Variants in ROBO2 observed in about 807,000 individuals in gnomAD.
ROBO2 encodes roundabout guidance receptor 2, also known as roundabout homolog 2.
Under a neutral mutation model 160.8 loss-of-function variants are expected in ROBO2, and 53 were observed. That is an observed-to-expected ratio of 0.33 (90% CI 0.26 to 0.41). The LOEUF (loss-of-function observed/expected upper bound fraction) is 0.41. Among genes scored for constraint, ROBO2 ranks in the 10% least tolerant of loss-of-function variants. The pLI, the probability that ROBO2 is intolerant of heterozygous loss-of-function variation, is 1.00. For synonymous variants in ROBO2, 664 were observed against 611.7 expected (o/e 1.09, Z -1.26); for missense variants, 1,577 against 1,722.4 (o/e 0.92, Z 1.49).
intron 2 of ROBO2, among the ~76,000 whole-genome samples, chr3:77,168,741 C>T (rs1030690906): frequency 2.6e-5 from 4 of 152,100 alleles, no homozygotes; most frequent in Admixed American, 6.6e-5. Flanking sequence ...TTTTAAGGAT[C>T]GAAGGAACAT....
Position 77,011,266 on chromosome 3 carries a change from C to T in ROBO2, c.110-86748C>T, listed in dbSNP as rs377336111. On this transcript the variant is annotated intron_variant, in intron 2 of 26. Transcript: ENST00000487694. ...GAATATAGTGTGTTTTGTTTGCTATCGTATATTTAGTGCCTAGTTCAGGGT... is the reference window on the plus strand; with the variant it reads ...GAATATAGTGTGTTTTGTTTGCTATTGTATATTTAGTGCCTAGTTCAGGGT... Among the ~76,000 whole-genome samples, 3 of 151,788 alleles carry T rather than the reference C, an allele frequency of 2.0e-5. No individual in the cohort carries two copies. The East Asian group carries it at 5.8e-4, about 30-fold the overall frequency.
At chr3:77,226,180 AAGAAAATT>A (rs2086475180) in intron 2 of ROBO2, among the ~76,000 whole-genome samples, 1 of 152,098 alleles carries the variant, frequency 6.6e-6, no homozygotes. Flanking sequence ...AGTTTTGACC[AAGAAAATT>A]AGAAAATTAA....
intron 2 of ROBO2, among the ~76,000 whole-genome samples, chr3:76,648,233 T>TGAA (rs1365788687): frequency 6.6e-6 from 1 of 152,090 alleles, no homozygotes; most frequent in Non-Finnish European, 1.5e-5. Flanking sequence ...GAGGAAAATC[T>TGAA]GAAGCATTAA....
intron 13 of ROBO2, among the ~76,000 whole-genome samples, chr3:77,572,656 C>T (rs2093666344): frequency 6.6e-6 from 1 of 151,636 alleles, no homozygotes; most frequent in South Asian, 2.1e-4. Flanking sequence ...CACACACACA[C>T]ACACACACAC....
chr3:76,267,971 G>A (rs1017804514), intron 2 of ROBO2, among the ~76,000 whole-genome samples: 1 of 152,084 alleles, frequency 6.6e-6, no homozygotes, highest in Non-Finnish European at 1.5e-5. Context: ...AATTCAATAA[G>A]ATTATACTCA....
At chr3:76,310,506 G>A (rs896217959) in intron 2 of ROBO2, among the ~76,000 whole-genome samples, 2 of 152,108 alleles carry the variant, frequency 1.3e-5, no homozygotes, top group African/African-American at 4.8e-5. Flanking sequence ...TATTGCTGGG[G>A]AGAAAAATTA....
chr3:76,894,763 T>C (rs894372217), intron 2 of ROBO2, among the ~76,000 whole-genome samples: 4 of 152,116 alleles, frequency 2.6e-5, no homozygotes, highest in African/African-American at 9.7e-5. Context: ...TGGACAAAGT[T>C]CCTGGAGAAA....
At chr3:76,861,261 C>T (rs1486113049) in intron 2 of ROBO2, among the ~76,000 whole-genome samples, 1 of 152,160 alleles carries the variant, frequency 6.6e-6, no homozygotes, top group Non-Finnish European at 1.5e-5. Flanking sequence ...GTGCCTATTT[C>T]CTTTGAAATG....
chr3:77,473,063 C>A (rs2083514614), intron 2 of ROBO2, among the ~76,000 whole-genome samples: 1 of 151,864 alleles, frequency 6.6e-6, no homozygotes, highest in Non-Finnish European at 1.5e-5. Context: ...GGGTTCCGAG[C>A]GTATCTCCCA....
At chr3:76,671,809 ATAATT>A (rs1490268165) in intron 2 of ROBO2, among the ~76,000 whole-genome samples, 1 of 152,142 alleles carries the variant, frequency 6.6e-6, no homozygotes, top group Admixed American at 6.6e-5. Flanking sequence ...TATTTTTAAA[ATAATT>A]TAAATTACTG....
chr3:76,157,643 C>T (rs1345618231), intron 2 of ROBO2, among the ~76,000 whole-genome samples: 2 of 152,148 alleles, frequency 1.3e-5, no homozygotes, highest in East Asian at 3.9e-4. Context: ...ATTCTCTGCC[C>T]CAGGTTCATT....
intron 2 of ROBO2, among the ~76,000 whole-genome samples, chr3:76,248,938 T>C (rs2107544538): frequency 6.6e-6 from 1 of 152,220 alleles, no homozygotes; most frequent in East Asian, 1.9e-4. Context: ...AGATATGTGT[T>C]CAATCATCAA....
rs547755219 is a variant in ROBO2, at chr3:77,488,301, C to A, written c.668-4943C>A. Among the ~76,000 whole-genome samples, 43 of 152,168 alleles carry A rather than the reference C, an allele frequency of 2.8e-4. 1 individual carries two copies. The South Asian group carries it at 8.5e-3, about 30-fold the overall frequency. Reference sequence around the variant, plus strand: ...CATAAAAAAATGTTAATTGCATTGGCAAAGACATTGCCTCTGATCACTCTG... The same window carrying A: ...CATAAAAAAATGTTAATTGCATTGGAAAAGACATTGCCTCTGATCACTCTG... On this transcript the variant is annotated intron_variant, in intron 4 of 25. Coordinates refer to ENST00000461745, the Ensembl canonical transcript of ROBO2.
At chr3:77,281,567 G>A (rs149181904) in intron 2 of ROBO2, among the ~76,000 whole-genome samples, 2 of 151,918 alleles carry the variant, frequency 1.3e-5, no homozygotes, top group East Asian at 3.9e-4. Context: ...TCATCCCTCA[G>A]TATCTGTGAG....
intron 2 of ROBO2, among the ~76,000 whole-genome samples, chr3:76,011,894 AT>A (rs1259380836): frequency 6.6e-6 from 1 of 152,130 alleles, no homozygotes. Flanking sequence ...AGGATACAAT[AT>A]TGTTTCCAGT....
In ROBO2 at chr3:76,854,669, C is replaced by T. The variant is rs750181119; in HGVS notation, c.110-243345C>T. Among the ~76,000 whole-genome samples, 4 of 152,132 alleles carry T rather than the reference C, an allele frequency of 2.6e-5. No homozygotes were observed. In the East Asian group the frequency reaches 5.8e-4, roughly 22 times the overall value. ...GCCTCATCTTGTAGAAAATGCAAGG[C>T]CAAATATTTAGTTAAAATATTTTAG... On this transcript the variant is annotated intron_variant, in intron 2 of 26. Coordinates refer to the ROBO2 transcript ENST00000487694.
intron 2 of ROBO2, among the ~76,000 whole-genome samples, chr3:76,050,463 G>C (rs948746526): frequency 2.6e-5 from 4 of 152,066 alleles, no homozygotes; most frequent in African/African-American, 9.7e-5. Context: ...CGTATTGGGG[G>C]CTTCACCTTA....
intron 2 of ROBO2, among the ~76,000 whole-genome samples, chr3:76,824,696 A>G (rs192850130): frequency 1.3e-5 from 2 of 152,126 alleles, no homozygotes; most frequent in Admixed American, 1.3e-4. Flanking sequence ...TTACACACTA[A>G]GGGGTAAAGA....
exon 1 of ROBO2, chr3:77,040,688 A>G (rs940655095): frequency 1.1e-4 from 176 of 1,605,422 alleles, no homozygotes; most frequent in Non-Finnish European, 1.4e-4. Context: ...AGGAAAGTCT[A>G]AACTTTGGAC....
Sources: allele counts gnomAD v4.1 joint callset (sites outside exome capture counted in the v4.1 genomes callset), GRCh38; gene constraint gnomAD v4.1.1; transcripts MANE v1.5; gene names NCBI Gene and HGNC (gene_info 2026-07-23, HGNC 2026-07-21).